NT5C2: variants seen among roughly 807,000 people sequenced by gnomAD.
NT5C2 encodes 5'-nucleotidase, cytosolic II.
A neutral mutation model predicts 76.1 loss-of-function variants in NT5C2; 58 were observed. The ratio of observed to expected loss-of-function variants is 0.76; its 90% confidence interval spans 0.62 to 0.95. The LOEUF (loss-of-function observed/expected upper bound fraction) is 0.95, where lower values mean the gene tolerates loss of function less well. Among genes scored for constraint, NT5C2 ranks in the 40% least tolerant of loss-of-function variants. The pLI, the probability that NT5C2 is intolerant of heterozygous loss-of-function variation, is 0.00. For missense variants in NT5C2, 478 were observed against 690.3 expected, an observed-to-expected ratio of 0.69 and a Z score of 3.45; for synonymous variants, 229 against 237.4, an observed-to-expected ratio of 0.96 and a Z score of 0.32.
chr10:103,137,971 T>C (rs1022290982), intron 4 of NT5C2, among the ~76,000 whole-genome samples: 4 of 152,146 alleles, frequency 2.6e-5, no homozygotes, highest in African/African-American at 7.2e-5. Flanking sequence ...ATATAATTTA[T>C]TTAATAAAAA....
intron 4 of NT5C2, among the ~76,000 whole-genome samples, chr10:103,122,166 T>C (rs1268630321): frequency 6.6e-6 from 1 of 152,192 alleles, no homozygotes; most frequent in Non-Finnish European, 1.5e-5. Flanking sequence ...AGGGCAAGAC[T>C]CTGTCTCAAA....
At chr10:103,182,486 G>A (rs184211672) in intron 1 of NT5C2, among the ~76,000 whole-genome samples, 3,494 of 151,682 alleles carry the variant, frequency 0.023, 84 homozygotes, top group South Asian at 0.12. Context: ...AATATAAAAA[G>A]TAGCCAGGCG....
rs867242737 is a variant in NT5C2, at chr10:103,129,315, C to T, written c.175+10091G>A. On this transcript the variant is annotated intron_variant, in intron 4 of 18. Transcript: ENST00000404739. The stretch of plus-strand genomic sequence containing the variant: ...GAGGGAGGTGGGGGGGTCAGCCCCC[C>T]GCCCGGCCAGCCGCCCCGTCCGGGA... Among the ~76,000 whole-genome samples, 1,095 of 117,914 alleles carry T rather than the reference C, an allele frequency of 9.3e-3. 9 individuals are homozygous for T. Among genetic ancestry groups the T allele is most frequent in the South Asian group, 0.038 (110 of 2,886 alleles). The allele number at this position is 117,914 out of a possible 152,430, so 77.4% of individuals were successfully genotyped here.
Position 103,181,142 on chromosome 10 carries a change from T to C in NT5C2, c.-25+43A>G, listed in dbSNP as rs373500991. The C allele has an allele frequency of 4.6e-5, 7 of 152,046 alleles. No individual in the cohort carries two copies. In the East Asian group the frequency reaches 1.2e-3, roughly 25 times the overall value. 9.4% of individuals were successfully genotyped at this position (152,046 alleles called of 1,614,324 possible). A position where few individuals can be genotyped will look rare whatever the true frequency, so the allele number is the denominator to read the frequency against. ...TGATGGTTTCATGGGTACATATATA[T>C]ATGTTAAAATTTATTATATACTCTG... On this transcript the variant is annotated intron_variant, in intron 2 of 18. Transcript: ENST00000404739.
At chr10:103,191,986 C>G (rs1048361680) in intron 1 of NT5C2, among the ~76,000 whole-genome samples, 1 of 151,490 alleles carries the variant, frequency 6.6e-6, no homozygotes, top group Non-Finnish European at 1.5e-5. Context: ...TCAGCTCACA[C>G]CTATTTTTTT....
chr10:103,190,607 G>T (rs780677524), intron 1 of NT5C2, among the ~76,000 whole-genome samples: 1 of 152,134 alleles, frequency 6.6e-6, no homozygotes, highest in Non-Finnish European at 1.5e-5. Flanking sequence ...GAGTGAGCTT[G>T]TCTAAGGTTA....
chr10:103,160,927 T>C (rs1437088300), intron 3 of NT5C2, among the ~76,000 whole-genome samples: 2 of 151,952 alleles, frequency 1.3e-5, no homozygotes, highest in Non-Finnish European at 2.9e-5. Flanking sequence ...GGAGAATCAC[T>C]TGAACCCGGG....
At chr10:103,110,088 G>C (rs915760789) in intron 4 of NT5C2, among the ~76,000 whole-genome samples, 2 of 152,038 alleles carry the variant, frequency 1.3e-5, no homozygotes, top group East Asian at 1.9e-4. Flanking sequence ...AAGTTATATA[G>C]CAAGTACAAA....
chr10:103,100,763 T>C, intron 8 of NT5C2: 1 of 583,074 alleles, frequency 1.7e-6, no homozygotes, highest in South Asian at 1.5e-5. Flanking sequence ...TCCCACTCAG[T>C]TGTCACAATT....
intron 3 of NT5C2, among the ~76,000 whole-genome samples, chr10:103,172,628 G>A (rs2088494264): frequency 6.6e-6 from 1 of 152,216 alleles, no homozygotes; most frequent in South Asian, 2.1e-4. Flanking sequence ...TTGAGGCCAG[G>A]AGTTCAAGAC....
chr10:103,109,445 A>C (rs1302313383), intron 4 of NT5C2, among the ~76,000 whole-genome samples: 1 of 152,150 alleles, frequency 6.6e-6, no homozygotes, highest in Non-Finnish European at 1.5e-5. Context: ...AGTAAATCTC[A>C]TTTTAGTACA....
chr10:103,131,857 G>GATTGCAGCCTTA (rs1263241874), intron 4 of NT5C2, among the ~76,000 whole-genome samples: 3 of 152,152 alleles, frequency 2.0e-5, no homozygotes, highest in African/African-American at 7.2e-5. Flanking sequence ...GGGAGGTTAA[G>GATTGCAGCCTTA]GCTGCAATGA....
Position 103,165,474 on chromosome 10 carries a change from C to T in NT5C2, c.101+9384G>A, listed in dbSNP as rs2086134241. The stretch of plus-strand genomic sequence containing the variant: ...CGCCATTGCACTCCAGCTGGGGCAA[C>T]AAGAGCAAAACTCCATCTCAAAAAA... On this transcript the variant is annotated intron_variant, in intron 3 of 18. Coordinates refer to ENST00000404739, the MANE Select transcript of NT5C2 (RefSeq NM_001351169.2). Among the ~76,000 whole-genome samples the T allele has an allele frequency of 3.3e-5, 5 of 150,338 alleles. No individual in the cohort carries two copies. The South Asian group carries it at 1.1e-3, about 32-fold the overall frequency.
intron 13 of NT5C2, 132 bp from the exon 14 acceptor site, chr10:103,094,170 C>CT: frequency 1.8e-6 from 1 of 550,396 alleles, no homozygotes; most frequent in Non-Finnish European, 3.2e-6. Context: ...GGCACTTACT[C>CT]TTTTCAATTA....
In NT5C2 at chr10:103,089,527, TAATAAAATCTTCAG is replaced by T; in HGVS notation, c.*131_*144del. ...ACAAAACCAAAACAAGTATCTATGA[TAATAAAATCTTCAG>T]AAACTTTTCAGACGTACCTTTCATG... On this transcript the variant is annotated 3_prime_UTR_variant, in exon 19 of 19. Transcript: ENST00000404739. 7.3e-7 allele frequency: 1 copy of T among 1,375,420 alleles called. No homozygotes were observed. Among genetic ancestry groups the T allele is most frequent in the Non-Finnish European group, 9.6e-7 (1 of 1,045,536 alleles). 85.2% of individuals were successfully genotyped at this position (1,375,420 alleles called of 1,614,324 possible). A position where few individuals can be genotyped will look rare whatever the true frequency, so the allele number is the denominator to read the frequency against.
chr10:103,152,470 T>A (rs999903963), intron 3 of NT5C2, among the ~76,000 whole-genome samples: 3 of 152,170 alleles, frequency 2.0e-5, no homozygotes, highest in Non-Finnish European at 4.4e-5. Context: ...TTAAAATAAG[T>A]TGTAAATGTG....
At chr10:103,106,534 G>A (rs755728317) in intron 5 of NT5C2, 55 bp downstream of exon 5, 4 of 1,028,078 alleles carry the variant, frequency 3.9e-6, no homozygotes, top group African/African-American at 3.2e-5. Flanking sequence ...TAATTTGAGG[G>A]GTAAGGAAAG....
chr10:103,145,121 G>C (rs1219334686), intron 3 of NT5C2, among the ~76,000 whole-genome samples: 3 of 152,142 alleles, frequency 2.0e-5, no homozygotes, highest in African/African-American at 7.2e-5. Flanking sequence ...TGGCAAAATA[G>C]AACAGCTGTA....
chr10:103,126,109 A>G (rs2135855308), intron 4 of NT5C2, among the ~76,000 whole-genome samples: 1 of 152,324 alleles, frequency 6.6e-6, no homozygotes, highest in Admixed American at 6.5e-5. Flanking sequence ...TAGAAAGTAT[A>G]TACATGAGGG....
Sources: gnomAD v4.1 joint callset for allele counts (sites outside exome capture counted in the v4.1 genomes callset) on GRCh38, gnomAD v4.1.1 for gene constraint, MANE v1.5 for transcripts, NCBI Gene and HGNC (gene_info 2026-07-23, HGNC 2026-07-21) for gene names.